The following CSMD1 variants were observed in gnomAD, a reference collection of about 807,000 sequenced individuals.
CSMD1 encodes CUB and sushi domain-containing protein 1.
In CSMD1, 213 loss-of-function variants were observed where a neutral mutation model predicts 417.5. The observed-to-expected ratio is 0.51, with a 90% confidence interval of 0.46 to 0.57. The LOEUF (loss-of-function observed/expected upper bound fraction) is 0.57, where lower values mean the gene tolerates loss of function less well. CSMD1 is among the 20% of genes least tolerant of loss of function. The pLI is 0.00. For synonymous variants in CSMD1, 2,862 were observed against 1,736.8 expected (o/e 1.65, Z -16.11); for missense variants, 6,923 against 4,529.7 (o/e 1.53, Z -15.17).
intron 52 of CSMD1, among the ~76,000 whole-genome samples, chr8:3,002,846 T>C (rs758941647): frequency 4.6e-5 from 7 of 152,182 alleles, no homozygotes; most frequent in Non-Finnish European, 7.4e-5. Context: ...CTCTGACACA[T>C]GGTCATTTCG....
rs1563064013 is a variant in CSMD1, at chr8:3,772,348, CATATATTT to C, written c.819-18314_819-18307del. On this transcript the variant is annotated intron_variant, in intron 5 of 69. Transcript: ENST00000635120. ...ACATATATTTAGACATACATATATA[CATATATTT>C]ATATATACATATATACATATATTCA... Among the ~76,000 whole-genome samples the C allele has an allele frequency of 1.4e-3, 194 of 139,520 alleles. 21 individuals are homozygous for C. The highest frequency in any genetic ancestry group is 4.7e-3 in the African/African-American group (170 of 36,136). The allele number at this position is 139,520 out of a possible 152,430, so 91.5% of individuals were successfully genotyped here.
chr8:3,622,572 G>C (rs989900504), intron 7 of CSMD1, among the ~76,000 whole-genome samples: 1 of 152,198 alleles, frequency 6.6e-6, no homozygotes, highest in African/African-American at 2.4e-5. Flanking sequence ...CTAAAAAAAG[G>C]TTACTTAGTT....
At chr8:4,774,246 G>A (rs1796736264) in intron 1 of CSMD1, among the ~76,000 whole-genome samples, 1 of 152,108 alleles carries the variant, frequency 6.6e-6, no homozygotes, top group African/African-American at 2.4e-5. Flanking sequence ...TAAATAGACA[G>A]CATTTGCGAA....
intron 1 of CSMD1, among the ~76,000 whole-genome samples, chr8:4,913,776 A>T (rs1805860019): frequency 6.6e-6 from 1 of 152,186 alleles, no homozygotes; most frequent in Non-Finnish European, 1.5e-5. Context: ...TTAGGGAGTC[A>T]CTGCCAAATT....
At chr8:3,661,733 G>A (rs1019632985) in intron 7 of CSMD1, among the ~76,000 whole-genome samples, 2 of 152,094 alleles carry the variant, frequency 1.3e-5, no homozygotes, top group African/African-American at 4.8e-5. Context: ...CTGACCTCAA[G>A]TGATTCACCC....
chr8:3,768,248 G>A (rs912946268), intron 5 of CSMD1, among the ~76,000 whole-genome samples: 3 of 152,174 alleles, frequency 2.0e-5, no homozygotes, highest in Non-Finnish European at 4.4e-5. Flanking sequence ...ACAAGGCGGA[G>A]ACGTATTCCC....
intron 17 of CSMD1, among the ~76,000 whole-genome samples, chr8:3,387,979 T>G (rs983093720): frequency 6.6e-6 from 1 of 152,226 alleles, no homozygotes; most frequent in Non-Finnish European, 1.5e-5. Flanking sequence ...AATCAATGAA[T>G]TGCACTAAAT....
At chr8:4,119,064 G>A (rs1201860860) in intron 3 of CSMD1, among the ~76,000 whole-genome samples, 8 of 152,096 alleles carry the variant, frequency 5.3e-5, no homozygotes, top group East Asian at 3.9e-4. Context: ...ACACAGGGAG[G>A]GGAACATCAC....
intron 1 of CSMD1, among the ~76,000 whole-genome samples, chr8:4,990,699 A>G (rs918079346): frequency 6.6e-6 from 1 of 152,096 alleles, no homozygotes; most frequent in African/African-American, 2.4e-5. Context: ...GTTTCCTGCG[A>G]AAGTATCTTC....
At chr8:4,462,525 T>C (rs886525609) in intron 2 of CSMD1, among the ~76,000 whole-genome samples, 3 of 152,178 alleles carry the variant, frequency 2.0e-5, no homozygotes, top group Non-Finnish European at 4.4e-5. Flanking sequence ...TCAAAGGACT[T>C]AGAATACTCA....
intron 7 of CSMD1, among the ~76,000 whole-genome samples, 192 bp downstream of exon 7, chr8:3,708,222 C>A (rs1004371519): frequency 6.6e-6 from 1 of 152,130 alleles, no homozygotes; most frequent in African/African-American, 2.4e-5. Context: ...GGAGTTAGAA[C>A]CACCACGACA....
intron 3 of CSMD1, among the ~76,000 whole-genome samples, chr8:4,085,663 C>G (rs1383105701): frequency 6.6e-6 from 1 of 152,132 alleles, no homozygotes; most frequent in Non-Finnish European, 1.5e-5. Flanking sequence ...TTTTTGCATA[C>G]TGTGTGATTC....
At chr8:4,532,689 T>G (rs1299665375) in intron 2 of CSMD1, among the ~76,000 whole-genome samples, 1 of 118,826 alleles carries the variant, frequency 8.4e-6, no homozygotes. Flanking sequence ...GCACCCCCAT[T>G]CAATCACTTT....
At chr8:4,306,151 A>C (rs1030248483) in intron 3 of CSMD1, among the ~76,000 whole-genome samples, 1 of 150,822 alleles carries the variant, frequency 6.6e-6, no homozygotes, top group Non-Finnish European at 1.5e-5. Context: ...TTTTTAGAAG[A>C]AAGAGTACTG....
intron 3 of CSMD1, among the ~76,000 whole-genome samples, chr8:4,268,800 A>G (rs1332032923): frequency 6.6e-6 from 1 of 152,156 alleles, no homozygotes; most frequent in Non-Finnish European, 1.5e-5. Context: ...CACAAAGGAC[A>G]TTATAAAATG....
Position 3,307,738 on chromosome 8 carries a change from G to A in CSMD1, c.3907C>T (p.His1303Tyr). 3.1e-6 allele frequency: 5 copies of A among 1,613,758 alleles called. No homozygotes were observed. Among genetic ancestry groups the A allele is most frequent in the Non-Finnish European group, 4.2e-6 (5 of 1,179,718 alleles). ...GYPAPYDNNL[H>Y]CTWIIEADPG... Reference sequence around the variant, plus strand: ...TCTGCCTCTATAATCCAGGTGCAGTGGAGGTTGTTGTCATACGGAGCTGGA... The same window carrying A: ...TCTGCCTCTATAATCCAGGTGCAGTAGAGGTTGTTGTCATACGGAGCTGGA... Residue 1303 changes from histidine (H) to tyrosine (Y), a missense_variant, in exon 25 of 70, where the codon CAC becomes TAC. His to Tyr is a moderately conservative substitution (Grantham distance 83). Coordinates refer to ENST00000635120, the MANE Select transcript of CSMD1 (RefSeq NM_033225.6).
intron 7 of CSMD1, among the ~76,000 whole-genome samples, chr8:3,704,566 T>C (rs1801059025): frequency 6.6e-6 from 1 of 152,226 alleles, no homozygotes; most frequent in Admixed American, 6.5e-5. Context: ...AAAAGCTTTG[T>C]AATTCAGCTG....
At chr8:4,023,594 T>C (rs1329128332) in intron 4 of CSMD1, among the ~76,000 whole-genome samples, 1 of 150,174 alleles carries the variant, frequency 6.7e-6, no homozygotes, top group East Asian at 2.0e-4. Flanking sequence ...TTTTTTTTTT[T>C]TTTTTTTCCT....
At chr8:3,381,772 A>G (rs7814827) in intron 18 of CSMD1, among the ~76,000 whole-genome samples, 3,514 of 152,290 alleles carry the variant, frequency 0.023, 139 homozygotes, top group African/African-American at 0.08. Flanking sequence ...GTGAAAAATA[A>G]AAAATCTCAC....
Sources: allele counts gnomAD v4.1 joint callset (sites outside exome capture counted in the v4.1 genomes callset), GRCh38; gene constraint gnomAD v4.1.1; transcripts MANE v1.5; gene names NCBI Gene and HGNC (gene_info 2026-07-23, HGNC 2026-07-21).